The following CBR1 variants were observed in gnomAD, a reference collection of about 807,000 sequenced individuals.
CBR1 encodes the protein carbonyl reductase [NADPH] 1.
CBR1 carries 11 observed loss-of-function variants against 10.6 expected under a neutral mutation model. That is an observed-to-expected ratio of 1.03 (90% CI 0.65 to 1.71). The LOEUF (loss-of-function observed/expected upper bound fraction) is 1.71, where lower values mean the gene tolerates loss of function less well. Ranked by LOEUF, CBR1 falls within the 40% of genes most tolerant of loss-of-function variation. CBR1 has a pLI of 0.00. For missense variants in CBR1, 361 were observed against 368.6 expected, an observed-to-expected ratio of 0.98 and a Z score of 0.17; for synonymous variants, 158 against 156.7, an observed-to-expected ratio of 1.01 and a Z score of -0.06.
intron 2 of CBR1, 93 bp downstream of exon 2, chr21:36,071,150 C>G (rs765843052): frequency 3.5e-6 from 3 of 847,802 alleles, no homozygotes; most frequent in African/African-American, 1.7e-5. Context: ...TGCTTCCTCT[C>G]CATGCTGCAC....
At position 36,072,977 on chromosome 21, in the gene CBR1, G is replaced by A; in HGVS notation, c.*95G>A. The A allele has an allele frequency of 7.5e-6, 6 of 796,896 alleles. No homozygotes were observed. Among genetic ancestry groups the A allele is most frequent in the African/African-American group, 1.7e-5 (1 of 57,934 alleles). The allele number at this position is 796,896 out of a possible 1,614,324, so 49.4% of individuals were successfully genotyped here. A position where few individuals can be genotyped will look rare whatever the true frequency, so the allele number is the denominator to read the frequency against. ...CAATGTCATAAATATCCTTATATAA[G>A]AAAAAAAATGATCTCTTATCAATTA... On this transcript the variant is annotated 3_prime_UTR_variant, in exon 3 of 3. Transcript: ENST00000290349.
At chr21:36,070,861 T>TG in intron 1 of CBR1, 89 bp from the exon 2 acceptor site, 1 of 698,704 alleles carries the variant, frequency 1.4e-6, no homozygotes, top group Non-Finnish European at 2.3e-6. Flanking sequence ...AAGTTTTTTT[T>TG]TTTTTTTTTT....
At position 36,070,094 on chromosome 21, in the gene CBR1, G is replaced by A; in HGVS notation, c.-22G>A. On this transcript the variant is annotated 5_prime_UTR_variant, in exon 1 of 3. Coordinates refer to ENST00000290349, the MANE Select transcript of CBR1 (RefSeq NM_001757.4). Reference sequence around the variant, plus strand: ...AGCCAGGTCTGTTCTCCACGCAGGTGTTCCGCGCGCCCCGTTCAGCCATGT... The same window carrying A: ...AGCCAGGTCTGTTCTCCACGCAGGTATTCCGCGCGCCCCGTTCAGCCATGT... The A allele has an allele frequency of 6.8e-7, 1 of 1,480,832 alleles. No individual in the cohort carries two copies. The highest frequency in any genetic ancestry group is 9.0e-7 in the Non-Finnish European group (1 of 1,111,814). 91.7% of individuals were successfully genotyped at this position (1,480,832 alleles called of 1,614,324 possible). A position where few individuals can be genotyped will look rare whatever the true frequency, so the allele number is the denominator to read the frequency against.
rs1429227352 is a variant in CBR1, at chr21:36,072,706, A to G, written c.658A>G (p.Lys220Glu). The G allele has an allele frequency of 1.9e-6, 3 of 1,614,198 alleles. No homozygotes were observed. Among genetic ancestry groups the G allele is most frequent in the South Asian group, 1.1e-5 (1 of 91,078 alleles). ...RKLSEQRKGDKILLNACCPGW... is the reference protein window; with the variant it reads ...RKLSEQRKGDEILLNACCPGW... ...ACTGAGTGAGCAGAGGAAAGGGGAC[A>G]AGATCCTCCTGAATGCCTGCTGCCC... Residue 220 changes from lysine to glutamate, a missense_variant, in exon 3 of 3, where the codon AAG becomes GAG. Transcript: ENST00000290349.
intron 1 of CBR1, 71 bp from the exon 2 acceptor site, chr21:36,070,879 T>TTTAG: frequency 2.2e-6 from 2 of 903,898 alleles, no homozygotes; most frequent in South Asian, 3.4e-5. Flanking sequence ...TTTTTTTTTT[T>TTTAG]TAGTATCATT....
chr21:36,072,627 A>G lies in CBR1; in HGVS notation c.579A>G (p.Ala193=), dbSNP rs1255452388. 6 of 1,610,848 alleles carry G rather than the reference A, an allele frequency of 3.7e-6. No individual in the cohort carries two copies. Among genetic ancestry groups the G allele is most frequent in the Non-Finnish European group, 4.2e-6 (5 of 1,178,256 alleles). The part of the protein sequence containing the change: ...VHQKEGWPSS[A]YGVTKIGVTV... The stretch of plus-strand genomic sequence containing the variant: ...AGAAGGAGGGCTGGCCCAGCAGCGC[A>G]TACGGGGTGACGAAGATTGGCGTCA... Residue 193 remains alanine, a synonymous_variant, in exon 3 of 3, where the codon GCA becomes GCG. Coordinates refer to ENST00000290349, the MANE Select transcript of CBR1 (RefSeq NM_001757.4).
In CBR1 at chr21:36,072,555, G is replaced by A. The variant is rs1051543; in HGVS notation, c.507G>A (p.Val169=). 1.9e-6 allele frequency: 3 copies of A among 1,600,662 alleles called. No individual in the cohort carries two copies. The highest frequency in any genetic ancestry group is 1.3e-5 in the African/African-American group (1 of 74,106). The change falls in exon 3 of 3, where the codon GTG becomes GTA. Residue 169 remains valine, a synonymous_variant. Coordinates refer to ENST00000290349, the MANE Select transcript of CBR1 (RefSeq NM_001757.4). The part of the protein sequence containing the change: ...RSETITEEEL[V]GLMNKFVEDT... ...AGACCATCACTGAGGAGGAGCTGGT[G>A]GGGCTCATGAACAAGTTTGTGGAGG...
rs368199856 is a variant in CBR1 at position 36,072,910 on chromosome 21, C to G, written c.*28C>G. The G allele has an allele frequency of 2.6e-6, 4 of 1,528,928 alleles. No homozygotes were observed. Among genetic ancestry groups the G allele is most frequent in the Non-Finnish European group, 3.6e-6 (4 of 1,116,588 alleles). The allele number at this position is 1,528,928 out of a possible 1,614,324, so 94.7% of individuals were successfully genotyped here. A position where few individuals can be genotyped will look rare whatever the true frequency, so the allele number is the denominator to read the frequency against. ...TGGGCTCACAGCTCCATCCATGGGC[C>G]CCATTTTGTACCTTGTCCTGAGTTG... On this transcript the variant is annotated 3_prime_UTR_variant, in exon 3 of 3. Coordinates refer to ENST00000290349, the MANE Select transcript of CBR1 (RefSeq NM_001757.4).
At chr21:36,071,916 T>C in intron 2 of CBR1, 2 of 1,536,134 alleles carry the variant, frequency 1.3e-6, no homozygotes, top group Non-Finnish European at 8.7e-7. Context: ...AATCTGCCGC[T>C]GCTTAACTCT....
intron 1 of CBR1, among the ~76,000 whole-genome samples, chr21:36,070,721 G>C (rs939163475): frequency 1.3e-5 from 2 of 152,156 alleles, no homozygotes; most frequent in Non-Finnish European, 2.9e-5. Flanking sequence ...AAGATCCAGT[G>C]TGTGCACCCT....
At position 36,070,879 on chromosome 21, in the gene CBR1, T is replaced by TTTG; in HGVS notation, c.290-70_290-69insTGT. ...TTTTTTTTTTTTTTTTTTTTTTTTT[T>TTTG]TAGTATCATTGTATAGAATTTTACC... On this transcript the variant is annotated intron_variant, in intron 1 of 2. Transcript: ENST00000290349. 6 of 903,902 alleles carry TTTG rather than the reference T, an allele frequency of 6.6e-6. No individual in the cohort carries two copies. In the South Asian group the frequency reaches 6.7e-5, roughly 10 times the overall value. The allele number at this position is 903,902 out of a possible 1,614,324, so 56.0% of individuals were successfully genotyped here. A position where few individuals can be genotyped will look rare whatever the true frequency, so the allele number is the denominator to read the frequency against.
At chr21:36,072,155 G>A in intron 2 of CBR1, 1 of 1,545,446 alleles carries the variant, frequency 6.5e-7, no homozygotes, top group African/African-American at 1.4e-5. Context: ...CTGTTTCCCT[G>A]TCCTGTCGTC....
rs1170972649 is a variant in CBR1, at chr21:36,070,958, C to T, written c.298C>T (p.Pro100Ser). The T allele has an allele frequency of 1.2e-6, 2 of 1,610,632 alleles. No individual in the cohort carries two copies. Among genetic ancestry groups the T allele is most frequent in the East Asian group, 4.5e-5 (2 of 44,646 alleles). The change falls in exon 2 of 3, where the codon CCC becomes TCC. Residue 100 changes from proline to serine, a missense_variant. Transcript: ENST00000290349. ...NAGIAFKVAD[P>S]TPFHIQAEVT... ...TCTTTCTCTCCTAAAAGTTGCTGAT[C>T]CCACACCCTTTCATATTCAAGCTGA...
chr21:36,072,834 G>T lies in CBR1; in HGVS notation c.786G>T (p.Glu262Asp). The change falls in exon 3 of 3, where the codon GAG becomes GAT. Residue 262 changes from glutamate (E) to aspartate (D), a missense_variant. Coordinates refer to ENST00000290349, the MANE Select transcript of CBR1 (RefSeq NM_001757.4). Reference sequence around the variant, plus strand: ...TGGCCCTTTTGCCCCCAGATGCTGAGGGTCCCCATGGACAATTTGTTTCAG... The same window carrying T: ...TGGCCCTTTTGCCCCCAGATGCTGATGGTCCCCATGGACAATTTGTTTCAG... ...VYLALLPPDAEGPHGQFVSEK... is the reference protein window; with the variant it reads ...VYLALLPPDADGPHGQFVSEK... The T allele has an allele frequency of 6.2e-7, 1 of 1,613,976 alleles. No individual in the cohort carries two copies. Among genetic ancestry groups the T allele is most frequent in the Non-Finnish European group, 8.5e-7 (1 of 1,179,978 alleles).
chr21:36,070,050 T>A lies in CBR1; in HGVS notation c.-66T>A. 1 of 1,433,552 alleles carries A rather than the reference T, an allele frequency of 7.0e-7. No individual in the cohort carries two copies. Among genetic ancestry groups the A allele is most frequent in the Non-Finnish European group, 9.2e-7 (1 of 1,091,010 alleles). 88.8% of individuals were successfully genotyped at this position (1,433,552 alleles called of 1,614,324 possible). ...GACTCGAGCAGTCTCTGGAACACGCTGCGGGGCTCCCGGGCCTGAGCCAGG... is the reference window on the plus strand; with the variant it reads ...GACTCGAGCAGTCTCTGGAACACGCAGCGGGGCTCCCGGGCCTGAGCCAGG... On this transcript the variant is annotated 5_prime_UTR_variant, in exon 1 of 3. Coordinates refer to ENST00000290349, the MANE Select transcript of CBR1 (RefSeq NM_001757.4).
chr21:36,072,936 G>A lies in CBR1; in HGVS notation c.*54G>A, dbSNP rs933953708. On this transcript the variant is annotated 3_prime_UTR_variant, in exon 3 of 3. Transcript: ENST00000290349. ...CCATTTTGTACCTTGTCCTGAGTTGGTCCAAAGGGCATTTACAATGTCATA... is the reference window on the plus strand; with the variant it reads ...CCATTTTGTACCTTGTCCTGAGTTGATCCAAAGGGCATTTACAATGTCATA... The A allele has an allele frequency of 3.9e-6, 5 of 1,265,840 alleles. No individual in the cohort carries two copies. The highest frequency in any genetic ancestry group is 3.0e-5 in the African/African-American group (2 of 66,710). 78.4% of individuals were successfully genotyped at this position (1,265,840 alleles called of 1,614,324 possible).
chr21:36,070,978 A>G lies in CBR1; in HGVS notation c.318A>G (p.Gln106=). The G allele has an allele frequency of 6.2e-7, 1 of 1,613,394 alleles. No homozygotes were observed. The highest frequency in any genetic ancestry group is 8.5e-7 in the Non-Finnish European group (1 of 1,179,764). ...KVADPTPFHI[Q]AEVTMKTNFF... ...CTGATCCCACACCCTTTCATATTCA[A>G]GCTGAAGTGACGATGAAAACAAATT... The change falls in exon 2 of 3, where the codon CAA becomes CAG. Residue 106 remains glutamine, a synonymous_variant. Transcript: ENST00000290349.
chr21:36,072,223 T>C (rs2065356970), intron 2 of CBR1: 4 of 1,550,678 alleles, frequency 2.6e-6, no homozygotes, highest in South Asian at 1.2e-5. Context: ...AGGGCAGCTC[T>C]TCCAAATCTC....
At chr21:36,071,879 CT>C (rs2065354230) in intron 2 of CBR1, 1 of 1,536,000 alleles carries the variant, frequency 6.5e-7, no homozygotes, top group African/African-American at 1.4e-5. Flanking sequence ...AGTCCAAGCC[CT>C]TAGCATGGTT....
Sources: allele counts gnomAD v4.1 joint callset (sites outside exome capture counted in the v4.1 genomes callset), GRCh38; gene constraint gnomAD v4.1.1; transcripts MANE v1.5; gene names NCBI Gene and HGNC (gene_info 2026-07-23, HGNC 2026-07-21).